The following SETDB2 variants were observed in gnomAD, a reference collection of about 807,000 sequenced individuals.
SETDB2 encodes SET domain bifurcated histone lysine methyltransferase 2, also known as histone-lysine N-methyltransferase SETDB2.
A neutral mutation model predicts 82.5 loss-of-function variants in SETDB2; 56 were observed. The ratio of observed to expected loss-of-function variants is 0.68; its 90% CI spans 0.55 to 0.85. SETDB2 has a LOEUF of 0.85. SETDB2 is among the 40% of genes least tolerant of loss of function. SETDB2 has a pLI of 0.00. For synonymous variants in SETDB2, 272 were observed against 284.9 expected, an observed-to-expected ratio of 0.95 and a Z score of 0.46; for missense variants, 677 against 816.4, an observed-to-expected ratio of 0.83 and a Z score of 2.08.
At chr13:49,479,965 A>G (rs1958446095) in intron 6 of SETDB2, among the ~76,000 whole-genome samples, 1 of 152,232 alleles carries the variant, frequency 6.6e-6, no homozygotes, top group Non-Finnish European at 1.5e-5. Flanking sequence ...TTGATTTTGG[A>G]AAGCTAAACT....
chr13:49,466,438 TAAAA>T (rs35416562), intron 4 of SETDB2, among the ~76,000 whole-genome samples: 1 of 138,564 alleles, frequency 7.2e-6, no homozygotes, highest in African/African-American at 2.6e-5. Flanking sequence ...CTTGTGTCTT[TAAAA>T]AAAAAAAAAA....
chr13:49,480,266 C>T lies in SETDB2; in HGVS notation c.917C>T (p.Ser306Phe). 6.2e-7 allele frequency: 1 copy of T among 1,611,604 alleles called. No individual in the cohort carries two copies. ...CTGACAGCAAGGAATGCCAAAACTT[C>T]CCCCTTGTCAAGTGACAAAATAACC... ...LQLTARNAKT[S>F]PLSSDKITTG... The change falls in exon 7 of 14, where the codon TCC becomes TTC. Residue 306 changes from serine (S) to phenylalanine (F), a missense_variant. Physicochemically the swap from Ser to Phe is radical, Grantham distance 155 (BLOSUM62 -2). Transcript: ENST00000611815.
chr13:49,464,585 A>G (rs1349428923), intron 4 of SETDB2, among the ~76,000 whole-genome samples: 3 of 152,312 alleles, frequency 2.0e-5, no homozygotes, highest in East Asian at 1.9e-4. Context: ...AATTTTATCA[A>G]TAGAAATGCC....
intron 5 of SETDB2, among the ~76,000 whole-genome samples, chr13:49,471,878 C>T (rs1958248731): frequency 6.8e-6 from 1 of 148,002 alleles, no homozygotes; most frequent in Non-Finnish European, 1.5e-5. Flanking sequence ...CCCAGCTAAA[C>T]TCTAACCTTC....
At chr13:49,452,977 G>C (rs781206118) in intron 2 of SETDB2, among the ~76,000 whole-genome samples, 1 of 152,104 alleles carries the variant, frequency 6.6e-6, no homozygotes, top group Non-Finnish European at 1.5e-5. Flanking sequence ...CCACTGTAAA[G>C]TTACTCTTTT....
intron 7 of SETDB2, 35 bp downstream of exon 7, chr13:49,480,370 A>G (rs769213699): frequency 8.3e-6 from 11 of 1,329,752 alleles, no homozygotes; most frequent in Admixed American, 2.4e-5. Context: ...CAGGGTGTGT[A>G]TATCTTTGAA....
intron 5 of SETDB2, among the ~76,000 whole-genome samples, chr13:49,471,189 C>A (rs2138911431): frequency 6.6e-6 from 1 of 151,256 alleles, no homozygotes; most frequent in Non-Finnish European, 1.5e-5. Flanking sequence ...GTTGCCCAGG[C>A]AGGTCGTGAA....
chr13:49,450,267 C>T (rs1957762071), intron 1 of SETDB2, among the ~76,000 whole-genome samples: 1 of 152,068 alleles, frequency 6.6e-6, no homozygotes, highest in Admixed American at 6.6e-5. Flanking sequence ...TCCATTTTCT[C>T]AATTTTTTGC....
chr13:49,453,688 G>A (rs998040914), intron 2 of SETDB2, among the ~76,000 whole-genome samples: 2 of 152,078 alleles, frequency 1.3e-5, no homozygotes, highest in East Asian at 1.9e-4. Context: ...TTTGGCACTC[G>A]AAGATTGCTC....
intron 11 of SETDB2, among the ~76,000 whole-genome samples, chr13:49,488,056 C>CT (rs1194329325): frequency 6.6e-6 from 1 of 152,190 alleles, no homozygotes; most frequent in Non-Finnish European, 1.5e-5. Context: ...AGAAGGCAGA[C>CT]TTTGGGATTC....
intron 1 of SETDB2, among the ~76,000 whole-genome samples, chr13:49,447,284 A>G (rs927075208): frequency 6.6e-6 from 1 of 152,032 alleles, no homozygotes; most frequent in Non-Finnish European, 1.5e-5. Context: ...TGTTAAAAAC[A>G]TTTTCTCTTA....
intron 4 of SETDB2, among the ~76,000 whole-genome samples, chr13:49,462,085 A>T (rs1248903673): frequency 6.6e-6 from 1 of 152,196 alleles, no homozygotes; most frequent in East Asian, 1.9e-4. Context: ...GTATGTAGAT[A>T]CATTCACCAG....
intron 1 of SETDB2, 57 bp downstream of exon 1, chr13:49,444,914 G>T (rs962817255): frequency 6.6e-6 from 1 of 152,238 alleles, no homozygotes; most frequent in African/African-American, 2.4e-5. Context: ...CAAGATCATG[G>T]AGTTCAGATT....
In SETDB2 at chr13:49,494,396, A is replaced by G. The variant is rs559619575; in HGVS notation, c.*2547A>G. The G allele has an allele frequency of 5.3e-5, 8 of 151,988 alleles. No homozygotes were observed. Among genetic ancestry groups the G allele is most frequent in the Admixed American group, 3.9e-4 (6 of 15,254 alleles). 9.4% of individuals were successfully genotyped at this position (151,988 alleles called of 1,614,324 possible). On this transcript the variant is annotated 3_prime_UTR_variant, in exon 14 of 14. Coordinates refer to ENST00000611815, the MANE Select transcript of SETDB2 (RefSeq NM_001160308.3). ...GGGTTTGTTTCTTTGTTTCCCCTGT[A>G]TGTTTGTTTTGGTCGTTCACATTAT... is the stretch of plus-strand genomic sequence containing the variant.
rs778139025 is a variant in SETDB2, at chr13:49,485,641, C to T, written c.1494C>T (p.Ser498=). 1.2e-6 allele frequency: 2 copies of T among 1,611,720 alleles called. No individual in the cohort carries two copies. The highest frequency in any genetic ancestry group is 1.7e-5 in the Admixed American group (1 of 59,590). ...CTTGTTTTTTTAAGGAATTTGTTTC[C>T]TCGGAGTCTGTCACTCCAGAAGATA... The part of the protein sequence containing the change: ...QHNGKKMEFV[S]SESVTPEDND... The change falls in exon 11 of 14, where the codon TCC becomes TCT. Residue 498 remains serine (S), a synonymous_variant. Transcript: ENST00000611815.
At chr13:49,446,417 C>T (rs1408540956) in intron 1 of SETDB2, 5 of 456,548 alleles carry the variant, frequency 1.1e-5, no homozygotes, top group East Asian at 1.4e-4. Context: ...CCTCACTCCT[C>T]TCCCTCCCTA....
intron 2 of SETDB2, 134 bp downstream of exon 2, chr13:49,452,043 T>C: frequency 3.6e-6 from 2 of 549,924 alleles, no homozygotes; most frequent in Non-Finnish European, 3.0e-6. Flanking sequence ...TAAGGGTTTA[T>C]TCTTGTATAG....
chr13:49,450,524 T>G (rs1957766145), intron 1 of SETDB2, among the ~76,000 whole-genome samples: 1 of 152,232 alleles, frequency 6.6e-6, no homozygotes, highest in African/African-American at 2.4e-5. Context: ...ATTTGAGGAC[T>G]CTCAGTTGTG....
rs533912489 is a variant in SETDB2 at position 49,451,604 on chromosome 13, A to C, written c.-290A>C. On this transcript the variant is annotated 5_prime_UTR_variant, in exon 2 of 14. Coordinates refer to ENST00000611815, the MANE Select transcript of SETDB2 (RefSeq NM_001160308.3). ...AGATGGAGTTGGTTTTTATTTTTAA[A>C]AAGATAATGTTAATGATCTGATACC... 4.7e-6 allele frequency: 1 copy of C among 210,632 alleles called. No homozygotes were observed. The highest frequency in any genetic ancestry group is 5.9e-5 in the Admixed American group (1 of 16,912). 13.0% of individuals were successfully genotyped at this position (210,632 alleles called of 1,614,324 possible). A position where few individuals can be genotyped will look rare whatever the true frequency, so the allele number is the denominator to read the frequency against.
Sources: allele counts gnomAD v4.1 joint callset (sites outside exome capture counted in the v4.1 genomes callset), GRCh38; gene constraint gnomAD v4.1.1; transcripts MANE v1.5; gene names NCBI Gene and HGNC (gene_info 2026-07-23, HGNC 2026-07-21).